FSTL4: variants seen among roughly 807,000 people sequenced by gnomAD.
The protein encoded by FSTL4 is follistatin-related protein 4.
Under a neutral mutation model 78.2 loss-of-function variants are expected in FSTL4, and 28 were observed. The ratio of observed to expected loss-of-function variants is 0.36; its 90% CI spans 0.27 to 0.49. The LOEUF is 0.49. Among genes scored for constraint, FSTL4 ranks in the 20% least tolerant of loss-of-function variants. FSTL4 has a pLI of 0.98. For synonymous variants in FSTL4, 422 were observed against 440.5 expected, an observed-to-expected ratio of 0.96 and a Z score of 0.53; for missense variants, 922 against 1,084.9, an observed-to-expected ratio of 0.85 and a Z score of 2.11.
At chr5:133,681,965 G>T in the FSTL4 span, among the ~76,000 whole-genome samples, 1 of 152,220 alleles carries the variant, frequency 6.6e-6, no homozygotes, top group African/African-American at 2.4e-5. Flanking sequence ...AAAGTGGGCT[G>T]TTGCTGGTGG....
intron 3 of FSTL4, among the ~76,000 whole-genome samples, chr5:133,523,028 C>A (rs1311196661): frequency 6.6e-6 from 1 of 151,962 alleles, no homozygotes; most frequent in Non-Finnish European, 1.5e-5. Context: ...AATCCTAACC[C>A]CAGTGTTACT....
chr5:133,245,529 T>C (rs563257984), intron 7 of FSTL4, among the ~76,000 whole-genome samples: 5 of 152,352 alleles, frequency 3.3e-5, no homozygotes, highest in African/African-American at 1.2e-4. Context: ...CACTCGCTTA[T>C]TCCTGTCTCC....
chr5:133,331,929 G>C (rs1229628166), intron 4 of FSTL4, among the ~76,000 whole-genome samples: 1 of 152,176 alleles, frequency 6.6e-6, no homozygotes, highest in East Asian at 1.9e-4. Context: ...GCCCGTGGAG[G>C]GAGCTGCAGA....
the FSTL4 span, among the ~76,000 whole-genome samples, chr5:133,706,975 C>T: frequency 6.6e-6 from 1 of 152,182 alleles, no homozygotes; most frequent in Non-Finnish European, 1.5e-5. Context: ...GGTAAAGGCA[C>T]TCTCTCACAC....
the FSTL4 span, among the ~76,000 whole-genome samples, chr5:133,810,113 G>A: frequency 3.9e-5 from 6 of 152,232 alleles, no homozygotes; most frequent in African/African-American, 1.2e-4. Context: ...TGACAGCAGG[G>A]AGAGCCTGGG....
the FSTL4 span, among the ~76,000 whole-genome samples, chr5:133,785,439 G>A: frequency 6.6e-6 from 1 of 152,132 alleles, no homozygotes. Context: ...ACCTCTACAT[G>A]CCCAGCTCAA....
chr5:133,732,196 A>G, the FSTL4 span, among the ~76,000 whole-genome samples: 1 of 152,170 alleles, frequency 6.6e-6, no homozygotes, highest in African/African-American at 2.4e-5. Context: ...GTGATCACCC[A>G]GGGCCCCCGA....
At chr5:133,656,443 G>A in the FSTL4 span, among the ~76,000 whole-genome samples, 1 of 152,176 alleles carries the variant, frequency 6.6e-6, no homozygotes, top group Non-Finnish European at 1.5e-5. Flanking sequence ...GTTCTCATCT[G>A]AGAAAGCCCT....
At chr5:133,736,941 T>C in the FSTL4 span, among the ~76,000 whole-genome samples, 2 of 152,030 alleles carry the variant, frequency 1.3e-5, no homozygotes, top group Admixed American at 1.3e-4. Context: ...AAAAAAATGT[T>C]TGTGGGTACA....
At chr5:133,230,800 C>A (rs1751470878) in intron 8 of FSTL4, among the ~76,000 whole-genome samples, 1 of 152,174 alleles carries the variant, frequency 6.6e-6, no homozygotes, top group South Asian at 2.1e-4. Flanking sequence ...CATCCCTCCT[C>A]CCCAGAACCT....
chr5:133,402,089 A>G (rs1316727636), intron 3 of FSTL4, among the ~76,000 whole-genome samples: 1 of 152,106 alleles, frequency 6.6e-6, no homozygotes, highest in Non-Finnish European at 1.5e-5. Context: ...ACACGTCATC[A>G]GGGGAGACAC....
chr5:133,429,897 G>A (rs1756899797), intron 3 of FSTL4, among the ~76,000 whole-genome samples: 1 of 152,146 alleles, frequency 6.6e-6, no homozygotes, highest in Admixed American at 6.5e-5. Context: ...GGTTAATTGG[G>A]TCTGTGCCAG....
the FSTL4 span, among the ~76,000 whole-genome samples, chr5:133,706,189 G>T: frequency 6.6e-6 from 1 of 152,118 alleles, no homozygotes; most frequent in Admixed American, 6.5e-5. Context: ...TGTTAATTAC[G>T]GGCAATAATA....
the FSTL4 span, among the ~76,000 whole-genome samples, chr5:133,690,860 G>T: frequency 6.6e-6 from 1 of 152,130 alleles, no homozygotes; most frequent in Non-Finnish European, 1.5e-5. Context: ...CTGCTGCTCC[G>T]TTAACATGGG....
At chr5:133,230,337 C>A (rs1247890621) in intron 8 of FSTL4, among the ~76,000 whole-genome samples, 1 of 152,150 alleles carries the variant, frequency 6.6e-6, no homozygotes, top group Non-Finnish European at 1.5e-5. Context: ...CCAAGGGAGA[C>A]CCTGAGTCAG....
At chr5:133,221,005 G>A in intron 11 of FSTL4, 139 bp from the exon 12 acceptor site, 1 of 739,680 alleles carries the variant, frequency 1.4e-6, no homozygotes, top group South Asian at 1.4e-5. Context: ...TGGTCAGGGT[G>A]GGGTAGAATG....
chr5:133,311,706 A>C (rs1403662405), intron 6 of FSTL4, among the ~76,000 whole-genome samples: 3 of 152,218 alleles, frequency 2.0e-5, no homozygotes, highest in Non-Finnish European at 2.9e-5. Context: ...TCTGTGGCTC[A>C]GGGTACTCAG....
At chr5:133,761,519 G>C in the FSTL4 span, among the ~76,000 whole-genome samples, 1 of 152,132 alleles carries the variant, frequency 6.6e-6, no homozygotes, top group South Asian at 2.1e-4. Context: ...CATTTCCCCT[G>C]AGAAAACCCA....
At chr5:133,833,871 C>T in the FSTL4 span, among the ~76,000 whole-genome samples, 4 of 152,032 alleles carry the variant, frequency 2.6e-5, no homozygotes, top group Non-Finnish European at 4.4e-5. Context: ...TAAAACAAAC[C>T]CTTTTGGATC....
Sources: allele counts gnomAD v4.1 joint callset (sites outside exome capture counted in the v4.1 genomes callset), GRCh38; gene constraint gnomAD v4.1.1; transcripts MANE v1.5; gene names NCBI Gene and HGNC (gene_info 2026-07-23, HGNC 2026-07-21).